Variants in SCUBE1 observed in about 807,000 individuals in gnomAD.
SCUBE1 encodes the protein signal peptide, CUB domain and EGF like domain containing 1.
A neutral mutation model predicts 124.4 loss-of-function variants in SCUBE1; 59 were observed. That is an observed-to-expected ratio of 0.47 (90% CI 0.38 to 0.59). SCUBE1 has a LOEUF of 0.59. Among genes scored for constraint, SCUBE1 ranks in the 20% least tolerant of loss-of-function variants. SCUBE1 has a pLI of 0.00. For missense variants in SCUBE1, 1,150 were observed against 1,371.2 expected (o/e 0.84, Z 2.55); for synonymous variants, 545 against 550.9 (o/e 0.99, Z 0.15).
intron 3 of SCUBE1, among the ~76,000 whole-genome samples, chr22:43,295,270 C>G (rs1263877592): frequency 6.6e-6 from 1 of 152,180 alleles, no homozygotes; most frequent in Non-Finnish European, 1.5e-5. Context: ...ATAATTCACT[C>G]CACCCCGGCT....
At position 43,204,181 on chromosome 22, in the gene SCUBE1, G is replaced by A. The variant is rs1466029951; in HGVS notation, c.2815-32C>T. The A allele has an allele frequency of 3.1e-6, 5 of 1,611,026 alleles. No homozygotes were observed. In the South Asian group the frequency reaches 3.3e-5, roughly 11 times the overall value. ...GATAGAGTGGGTGGGAGGCAGGGGA[G>A]GCTTGGGGCCTGTAGGGTCTGTGGG... On this transcript the variant is annotated intron_variant, in intron 21 of 21. Transcript: ENST00000360835.
chr22:43,254,711 C>T (rs1923590568), intron 6 of SCUBE1, among the ~76,000 whole-genome samples: 1 of 152,184 alleles, frequency 6.6e-6, no homozygotes, highest in Admixed American at 6.5e-5. Context: ...CAACCCTAGG[C>T]GACCACAGCT....
chr22:43,271,014 C>T (rs186004013), intron 4 of SCUBE1, among the ~76,000 whole-genome samples: 133 of 152,340 alleles, frequency 8.7e-4, no homozygotes, highest in Non-Finnish European at 1.1e-3. Flanking sequence ...GCACAACCCC[C>T]GCTCCCTTCC....
Position 43,343,287 on chromosome 22 carries a change from G to A in SCUBE1, c.-26C>T. 1 of 1,074,664 alleles carries A rather than the reference G, an allele frequency of 9.3e-7. No homozygotes were observed. 66.6% of individuals were successfully genotyped at this position (1,074,664 alleles called of 1,614,324 possible). A position where few individuals can be genotyped will look rare whatever the true frequency, so the allele number is the denominator to read the frequency against. ...GCTCAATGCGGGCCCCGCTGGGCGTGCGGGCGTGCGGGGCGCGGGGACCCG... is the reference window on the plus strand; with the variant it reads ...GCTCAATGCGGGCCCCGCTGGGCGTACGGGCGTGCGGGGCGCGGGGACCCG... On this transcript the variant is annotated 5_prime_UTR_variant, in exon 1 of 22. Coordinates refer to ENST00000360835, the MANE Select transcript of SCUBE1 (RefSeq NM_173050.5).
intron 4 of SCUBE1, among the ~76,000 whole-genome samples, chr22:43,284,309 G>A (rs1037715527): frequency 3.3e-5 from 5 of 152,238 alleles, no homozygotes; most frequent in African/African-American, 7.2e-5. Flanking sequence ...GGCTGTTCCC[G>A]TGAAGGGAGA....
At chr22:43,206,652 A>C in intron 21 of SCUBE1, among the ~76,000 whole-genome samples, 1 of 22,218 alleles carries the variant, frequency 4.5e-5, no homozygotes, top group Non-Finnish European at 1.6e-4. Context: ...AGGTGGGGGA[A>C]AGAAGGGGCC....
At chr22:43,212,206 G>A (rs1241699560) in intron 17 of SCUBE1, among the ~76,000 whole-genome samples, 3 of 152,112 alleles carry the variant, frequency 2.0e-5, no homozygotes, top group African/African-American at 4.8e-5. Flanking sequence ...AGGAGCTGCT[G>A]TTCCCCCTGG....
At position 43,212,811 on chromosome 22, in the gene SCUBE1, T is replaced by A. The variant is rs907239403; in HGVS notation, c.2054-219A>T. The A allele has an allele frequency of 1.1e-5, 6 of 570,222 alleles. No homozygotes were observed. In the African/African-American group the frequency reaches 1.2e-4, roughly 11 times the overall value. The allele number at this position is 570,222 out of a possible 1,614,324, so 35.3% of individuals were successfully genotyped here. A position where few individuals can be genotyped will look rare whatever the true frequency, so the allele number is the denominator to read the frequency against. ...GCCAGCGGTTCATGTGCGGCCTTGG[T>A]CAAGCCTGGCTCTCCTTCTCCCACC... On this transcript the variant is annotated intron_variant, in intron 16 of 21. Transcript: ENST00000360835.
At chr22:43,220,406 C>T in intron 14 of SCUBE1, 44 bp downstream of exon 14, 1 of 1,594,752 alleles carries the variant, frequency 6.3e-7, no homozygotes, top group Non-Finnish European at 8.6e-7. Flanking sequence ...GCCTGTCGTC[C>T]TCCTTCAGGC....
At chr22:43,322,624 C>A (rs1419669991) in intron 2 of SCUBE1, among the ~76,000 whole-genome samples, 1 of 152,180 alleles carries the variant, frequency 6.6e-6, no homozygotes, top group African/African-American at 2.4e-5. Flanking sequence ...TTTGACTCAG[C>A]AGCCCCCAAA....
intron 6 of SCUBE1, among the ~76,000 whole-genome samples, chr22:43,241,287 C>T (rs1922994134): frequency 6.6e-6 from 1 of 152,084 alleles, no homozygotes; most frequent in South Asian, 2.1e-4. Flanking sequence ...CAACCCGCTC[C>T]ACAGCAGGGG....
chr22:43,297,476 C>T (rs1925606213), intron 3 of SCUBE1, among the ~76,000 whole-genome samples: 1 of 152,262 alleles, frequency 6.6e-6, no homozygotes, highest in Admixed American at 6.5e-5. Context: ...TCTTGCCCAT[C>T]TCCACTCGGT....
intron 6 of SCUBE1, among the ~76,000 whole-genome samples, chr22:43,245,303 G>A (rs977951223): frequency 5.3e-5 from 8 of 152,212 alleles, no homozygotes; most frequent in Admixed American, 2.6e-4. Flanking sequence ...AGAGGGCCGC[G>A]CCTGGTCCTG....
rs973398095 is a variant in SCUBE1 at position 43,255,763 on chromosome 22, G to C, written c.727+2456C>G. 1.3e-5 allele frequency among the ~76,000 whole-genome samples: 2 copies of C among 152,190 alleles called. No individual in the cohort carries two copies. The highest frequency in any genetic ancestry group is 4.8e-5 in the African/African-American group (2 of 41,464). ...AGGTGGGGGTGTTCAGGGCAAAGCA[G>C]AGAGGCAGCGAGGGCGGGGGCGGGG... On this transcript the variant is annotated intron_variant, in intron 6 of 21. Coordinates refer to ENST00000360835, the MANE Select transcript of SCUBE1 (RefSeq NM_173050.5). The surrounding 1 kb of genome is among the most constrained non-coding windows in gnomAD (Gnocchi z 4.7).
chr22:43,295,625 T>C (rs1425092043), intron 3 of SCUBE1, among the ~76,000 whole-genome samples: 1 of 152,224 alleles, frequency 6.6e-6, no homozygotes, highest in African/African-American at 2.4e-5. Flanking sequence ...AGGAATCCGC[T>C]GCGGCTGCTC....
At chr22:43,266,951 G>T (rs1924093567) in intron 4 of SCUBE1, among the ~76,000 whole-genome samples, 1 of 152,178 alleles carries the variant, frequency 6.6e-6, no homozygotes, top group Admixed American at 6.5e-5. Context: ...CCGCTCCCCT[G>T]CAGCACAGGA....
At chr22:43,214,032 A>G in intron 16 of SCUBE1, 58 bp downstream of exon 16, 2 of 1,112,806 alleles carry the variant, frequency 1.8e-6, no homozygotes, top group Non-Finnish European at 2.5e-6. Context: ...CTCATCAGAG[A>G]CAGGAGGAGC....
At chr22:43,326,859 T>C (rs2146791835) in intron 2 of SCUBE1, among the ~76,000 whole-genome samples, 1 of 152,152 alleles carries the variant, frequency 6.6e-6, no homozygotes, top group Admixed American at 6.5e-5. Flanking sequence ...AAACATCTAC[T>C]CACCTCTGCA....
chr22:43,339,340 C>A, intron 1 of SCUBE1, 105 bp from the exon 2 acceptor site: 1 of 1,138,474 alleles, frequency 8.8e-7, no homozygotes. Context: ...GTCCATTGAT[C>A]GGTGGGCTCA....
Sources: gnomAD v4.1 joint callset for allele counts (sites outside exome capture counted in the v4.1 genomes callset) on GRCh38, gnomAD v4.1.1 for gene constraint, Gnocchi (gnomAD v3.1) non-coding constraint, MANE v1.5 for transcripts, NCBI Gene and HGNC (gene_info 2026-07-23, HGNC 2026-07-21) for gene names.